Variants in ARSG observed in about 807,000 individuals in gnomAD.
The protein encoded by ARSG is ASG.
ARSG carries 37 observed loss-of-function variants against 50.5 expected under a neutral mutation model. The ratio of observed to expected loss-of-function variants is 0.73; its 90% CI spans 0.56 to 0.96. ARSG has a LOEUF of 0.96. Ranked by LOEUF, ARSG falls within the 50% of genes least tolerant of loss-of-function variation. ARSG has a pLI of 0.00. For synonymous variants in ARSG, 225 were observed against 254.6 expected (o/e 0.88, Z 1.11); for missense variants, 629 against 675.3 (o/e 0.93, Z 0.76).
the ARSG span, among the ~76,000 whole-genome samples, chr17:68,434,346 G>A: frequency 7.5e-4 from 114 of 152,246 alleles, 1 homozygote; most frequent in African/African-American, 2.7e-3. Flanking sequence ...GGACTCTCAC[G>A]GCTGAACTGT....
the ARSG span, among the ~76,000 whole-genome samples, chr17:68,438,838 G>A: frequency 6.6e-6 from 1 of 152,226 alleles, no homozygotes; most frequent in Non-Finnish European, 1.5e-5. Context: ...GACCTCAGGT[G>A]ATCCATCTGC....
intron 2 of ARSG, among the ~76,000 whole-genome samples, chr17:68,321,274 A>C (rs1183681035): frequency 6.6e-6 from 1 of 152,184 alleles, no homozygotes; most frequent in Non-Finnish European, 1.5e-5. Context: ...ATTTGCTGCC[A>C]CATTTGCTTG....
chr17:68,297,902 C>G (rs2076264094), intron 1 of ARSG, among the ~76,000 whole-genome samples: 1 of 151,506 alleles, frequency 6.6e-6, no homozygotes, highest in Admixed American at 6.6e-5. Context: ...TTAGCACTTA[C>G]TGAGAACTTG....
intron 5 of ARSG, among the ~76,000 whole-genome samples, chr17:68,352,814 C>A (rs1436838491): frequency 6.6e-6 from 1 of 152,060 alleles, no homozygotes; most frequent in African/African-American, 2.4e-5. Context: ...CCAGCGGTGA[C>A]TCTTTCTCCA....
intron 8 of ARSG, chr17:68,379,996 C>T (rs1015552053): frequency 5.2e-5 from 22 of 424,354 alleles, no homozygotes; most frequent in Non-Finnish European, 6.3e-5. Context: ...CATGGGTCCA[C>T]GTAATACATG....
intron 2 of ARSG, among the ~76,000 whole-genome samples, chr17:68,329,093 C>A (rs769345760): frequency 6.6e-6 from 1 of 152,140 alleles, no homozygotes; most frequent in Admixed American, 6.5e-5. Flanking sequence ...CGGGTGTAGC[C>A]GGGTCAGGGA....
At chr17:68,426,241 GT>G, downstream of ARSG, 9 of 1,107,538 alleles carry the variant, frequency 8.1e-6, no homozygotes, top group South Asian at 1.2e-5. Context: ...GACCTGGCGG[GT>G]GGGGAGCGGG....
At chr17:68,356,476 A>G (rs1363667338) in intron 5 of ARSG, among the ~76,000 whole-genome samples, 191 bp from the exon 6 acceptor site, 1 of 152,240 alleles carries the variant, frequency 6.6e-6, no homozygotes, top group African/African-American at 2.4e-5. Flanking sequence ...GAACATAAAT[A>G]TCTATTCAAA....
At chr17:68,283,772 G>C (rs1392002148) in intron 1 of ARSG, among the ~76,000 whole-genome samples, 4 of 151,750 alleles carry the variant, frequency 2.6e-5, no homozygotes, top group Admixed American at 6.6e-5. Context: ...CAGCTACACG[G>C]GAGGCTGAGG....
At position 68,346,946 on chromosome 17, in the gene ARSG, G is replaced by T. The variant is rs2078534040; in HGVS notation, c.407-179G>T. ...GGGGTCATCCTTTATGTGTCCCTGTGGACACCGTCTCGGCCCCAGAGAGCA... is the reference window on the plus strand; with the variant it reads ...GGGGTCATCCTTTATGTGTCCCTGTTGACACCGTCTCGGCCCCAGAGAGCA... On this transcript the variant is annotated intron_variant, in intron 3 of 11. Transcript: ENST00000621439. The T allele has an allele frequency of 7.3e-6, 11 of 1,514,592 alleles. No homozygotes were observed. In the Admixed American group the frequency reaches 9.9e-5, roughly 14 times the overall value. 93.8% of individuals were successfully genotyped at this position (1,514,592 alleles called of 1,614,324 possible). A position where few individuals can be genotyped will look rare whatever the true frequency, so the allele number is the denominator to read the frequency against.
chr17:68,293,548 T>C (rs1599593295), intron 1 of ARSG, among the ~76,000 whole-genome samples: 1 of 152,232 alleles, frequency 6.6e-6, no homozygotes, highest in East Asian at 1.9e-4. Flanking sequence ...TTACTATTCT[T>C]ATATTTTATT....
the ARSG span, among the ~76,000 whole-genome samples, chr17:68,439,923 TG>T: frequency 5.4e-3 from 822 of 152,314 alleles, 28 homozygotes; most frequent in East Asian, 0.095. Context: ...TAAGCAGTCT[TG>T]GAGCAGAAGC....
chr17:68,311,494 C>T (rs1221707754), intron 2 of ARSG, among the ~76,000 whole-genome samples: 4 of 152,106 alleles, frequency 2.6e-5, no homozygotes, highest in South Asian at 2.1e-4. Context: ...TATTTGGAAA[C>T]AGGGTCTTTG....
At chr17:68,351,954 G>A (rs544832845) in intron 5 of ARSG, among the ~76,000 whole-genome samples, 4 of 152,154 alleles carry the variant, frequency 2.6e-5, no homozygotes, top group Admixed American at 2.6e-4. Context: ...GTGCTGCTAG[G>A]GTCTCACACA....
intron 1 of ARSG, among the ~76,000 whole-genome samples, chr17:68,275,294 G>A (rs1367357057): frequency 4.6e-5 from 7 of 152,284 alleles, no homozygotes; most frequent in Middle Eastern, 3.4e-3. Context: ...GCCATTGAGA[G>A]TTGGGTCAAG....
intron 11 of ARSG, chr17:68,413,597 G>C (rs1024246414): frequency 2.6e-5 from 4 of 152,248 alleles, no homozygotes; most frequent in South Asian, 2.1e-4. Flanking sequence ...CAGAGGTGGA[G>C]CCTACAGAGG....
chr17:68,323,583 A>G (rs113282026), intron 2 of ARSG, among the ~76,000 whole-genome samples: 3 of 152,250 alleles, frequency 2.0e-5, no homozygotes, highest in African/African-American at 7.2e-5. Context: ...TTATCTCATC[A>G]TGGAAGCTGA....
At chr17:68,281,442 C>T in intron 1 of ARSG, among the ~76,000 whole-genome samples, 1 of 151,674 alleles carries the variant, frequency 6.6e-6, no homozygotes, top group East Asian at 2.0e-4. Context: ...TGGCATGCAC[C>T]TCTACACCTG....
At chr17:68,385,258 G>A in intron 9 of ARSG, 86 bp downstream of exon 9, 1 of 1,227,398 alleles carries the variant, frequency 8.1e-7, no homozygotes, top group South Asian at 1.3e-5. Flanking sequence ...AGGCATGGGT[G>A]GCTAGATGGA....
Sources: gnomAD v4.1 joint callset for allele counts (sites outside exome capture counted in the v4.1 genomes callset) on GRCh38, gnomAD v4.1.1 for gene constraint, MANE v1.5 for transcripts, NCBI Gene and HGNC (gene_info 2026-07-23, HGNC 2026-07-21) for gene names.